CEBPZOS: variants seen among roughly 807,000 people sequenced by gnomAD.
CEBPZOS encodes CEBPZ opposite strand.
A neutral mutation model predicts 4.8 loss-of-function variants in CEBPZOS; 10 were observed. The ratio of observed to expected loss-of-function variants is 2.07; its 90% CI spans 1.28 to 3.52. The LOEUF (loss-of-function observed/expected upper bound fraction) is 3.52, where lower values mean the gene tolerates loss of function less well. CEBPZOS is among the 30% of genes most tolerant of loss of function. CEBPZOS has a pLI of 0.00. For missense variants in CEBPZOS, 98 were observed against 43.6 expected (o/e 2.25, Z -3.51); for synonymous variants, 25 against 14.2 (o/e 1.77, Z -1.72).
chr2:37,208,120 C>A (rs1450748402), downstream of CEBPZOS, among the ~76,000 whole-genome samples: 1 of 152,092 alleles, frequency 6.6e-6, no homozygotes, highest in Admixed American at 6.5e-5. Context: ...AAACTCTGAA[C>A]AGACCAATAA....
intron 3 of CEBPZOS, chr2:37,201,367 C>G: frequency 2.0e-6 from 1 of 492,688 alleles, no homozygotes; most frequent in Non-Finnish European, 3.6e-6. Context: ...TTTAAAAGAT[C>G]AGTTTCATCT....
At chr2:37,211,865 A>G (rs777998191) in intron 4 of CEBPZOS, 11 of 1,605,242 alleles carry the variant, frequency 6.9e-6, no homozygotes, top group Non-Finnish European at 9.3e-6. Context: ...CACTTTCATC[A>G]TCTAACACAT....
In CEBPZOS at chr2:37,198,181, AT is replaced by A. The variant is rs542876739; in HGVS notation, c.-1-1522del. Among the ~76,000 whole-genome samples the A allele has an allele frequency of 5.2e-3, 798 of 152,134 alleles. 7 individuals carry two copies. Among genetic ancestry groups the A allele is most frequent in the African/African-American group, 0.018 (758 of 41,496 alleles). Reference sequence around the variant, plus strand: ...TCTCCAAAAATAAAATAAAAAAAAAATAACCCCAAGAGAGGCATCTGTACTG... The same window carrying A: ...TCTCCAAAAATAAAATAAAAAAAAAAAACCCCAAGAGAGGCATCTGTACTG... On this transcript the variant is annotated intron_variant, in intron 1 of 4. Coordinates refer to ENST00000402297, the MANE Select transcript of CEBPZOS (RefSeq NM_001322374.2).
chr2:37,212,518 T>A, intron 4 of CEBPZOS: 1 of 773,498 alleles, frequency 1.3e-6, no homozygotes, highest in Non-Finnish European at 2.2e-6. Context: ...CAAAACAATG[T>A]AAATGTTACT....
At chr2:37,197,730 G>A (rs887724651) in intron 1 of CEBPZOS, among the ~76,000 whole-genome samples, 4 of 152,198 alleles carry the variant, frequency 2.6e-5, no homozygotes, top group Non-Finnish European at 4.4e-5. Flanking sequence ...GCCAGACGTG[G>A]TGGCACACGC....
chr2:37,214,553 G>C (rs138469360), downstream of CEBPZOS, among the ~76,000 whole-genome samples: 3 of 152,112 alleles, frequency 2.0e-5, no homozygotes, highest in African/African-American at 7.2e-5. Context: ...ATTCCAAAAA[G>C]AAGCATAAAA....
chr2:37,206,493 G>C (rs553075829), downstream of CEBPZOS, among the ~76,000 whole-genome samples: 1 of 152,238 alleles, frequency 6.6e-6, no homozygotes, highest in African/African-American at 2.4e-5. Flanking sequence ...CAGTAGCTGG[G>C]ATTATAGGGG....
intron 1 of CEBPZOS, among the ~76,000 whole-genome samples, chr2:37,197,975 A>C (rs543483772): frequency 6.6e-6 from 1 of 152,322 alleles, no homozygotes; most frequent in Admixed American, 6.5e-5. Flanking sequence ...ACCCTGGGCA[A>C]CAGGGTGAAA....
chr2:37,213,351 A>T (rs1677785660), intron 4 of CEBPZOS: 1 of 153,388 alleles, frequency 6.5e-6, no homozygotes, highest in African/African-American at 2.4e-5. Flanking sequence ...TCCAAAGCAC[A>T]AATCATGTAT....
In CEBPZOS at chr2:37,203,483, G is replaced by A. The variant is rs1474428791; in HGVS notation, c.*1623G>A. 1 of 152,060 alleles carries A rather than the reference G, an allele frequency of 6.6e-6. No individual in the cohort carries two copies. Among genetic ancestry groups the A allele is most frequent in the African/African-American group, 2.4e-5 (1 of 41,376 alleles). The allele number at this position is 152,060 out of a possible 1,614,324, so 9.4% of individuals were successfully genotyped here. On this transcript the variant is annotated 3_prime_UTR_variant, in exon 5 of 5. Transcript: ENST00000402297. ...CCTTTAAAAAAAAAACTTATCTGTA[G>A]TACTGAATATATAAACTTTTCCTGA... is the stretch of plus-strand genomic sequence containing the variant.
chr2:37,215,702 G>A (rs1677850777), downstream of CEBPZOS, among the ~76,000 whole-genome samples: 1 of 152,098 alleles, frequency 6.6e-6, no homozygotes, highest in Non-Finnish European at 1.5e-5. Flanking sequence ...TATAGAAGTA[G>A]GTTATTAAGT....
intron 4 of CEBPZOS, chr2:37,212,364 G>A (rs1008079753): frequency 5.4e-5 from 87 of 1,613,428 alleles, no homozygotes; most frequent in Non-Finnish European, 7.0e-5. Context: ...CCTTTCCAGA[G>A]CTGAAACAGT....
intron 4 of CEBPZOS, chr2:37,212,087 A>T (rs1677739287): frequency 6.6e-7 from 1 of 1,513,306 alleles, no homozygotes; most frequent in African/African-American, 1.4e-5. Flanking sequence ...GTATTTTCTA[A>T]AGTAGTGTTT....
chr2:37,212,191 C>G (rs74432666), intron 4 of CEBPZOS: 31,924 of 986,106 alleles, frequency 0.032, 702 homozygotes, highest in Middle Eastern at 0.038. Context: ...TTATAAATGT[C>G]AAAGATGAAA....
chr2:37,215,979 G>C, downstream of CEBPZOS: 1 of 468,974 alleles, frequency 2.1e-6, no homozygotes, highest in Admixed American at 4.1e-5. Context: ...GGCCCAGTCA[G>C]ATACAGTAGA....
intron 2 of CEBPZOS, among the ~76,000 whole-genome samples, 168 bp downstream of exon 2, chr2:37,199,987 G>C (rs887061716): frequency 6.6e-6 from 1 of 152,174 alleles, no homozygotes; most frequent in Non-Finnish European, 1.5e-5. Flanking sequence ...TTGTGGACTA[G>C]ATCACTCTCA....
At chr2:37,210,977 GAT>G in intron 4 of CEBPZOS, 1 of 1,539,604 alleles carries the variant, frequency 6.5e-7, no homozygotes, top group South Asian at 1.2e-5. Context: ...GCTTTTAAAA[GAT>G]ATTAAATGTA....
downstream of CEBPZOS, chr2:37,215,012 G>A: frequency 2.7e-6 from 3 of 1,093,942 alleles, no homozygotes; most frequent in Non-Finnish European, 4.2e-6. Context: ...TGTTACTCAA[G>A]CTCTTAAGAC....
At chr2:37,201,563 GA>G in intron 3 of CEBPZOS, 78 bp from the exon 4 acceptor site, 1 of 641,146 alleles carries the variant, frequency 1.6e-6, no homozygotes. Context: ...ATGGAAAAAA[GA>G]AGTTGTTTTT....
Sources: gnomAD v4.1 joint callset for allele counts (sites outside exome capture counted in the v4.1 genomes callset) on GRCh38, gnomAD v4.1.1 for gene constraint, MANE v1.5 for transcripts, NCBI Gene and HGNC (gene_info 2026-07-23, HGNC 2026-07-21) for gene names.